Variants in KIF6 observed in about 807,000 individuals in gnomAD.
KIF6 encodes kinesin family member 6.
A neutral mutation model predicts 112.7 loss-of-function variants in KIF6; 106 were observed. That is an observed-to-expected ratio of 0.94 (90% CI 0.80 to 1.11). The LOEUF is 1.11. Ranked by LOEUF, KIF6 falls within the 50% of genes least tolerant of loss-of-function variation. The pLI is 0.00. For synonymous variants in KIF6, 339 were observed against 339.9 expected (o/e 1.00, Z 0.03); for missense variants, 929 against 964.0 (o/e 0.96, Z 0.48).
rs564229262 is a variant in KIF6 at position 39,583,674 on chromosome 6, C to CTTTTTTTTTTTTTTTTT, written c.1077+1207_1077+1223dup. Among the ~76,000 whole-genome samples the CTTTTTTTTTTTTTTTTT allele has an allele frequency of 1.5e-4, 11 of 71,684 alleles. 2 individuals carry two copies. Among genetic ancestry groups the CTTTTTTTTTTTTTTTTT allele is most frequent in the African/African-American group, 2.5e-4 (5 of 20,252 alleles). The allele number at this position is 71,684 out of a possible 152,430, so 47.0% of individuals were successfully genotyped here. ...AAACACTGTTGGTAGGATTTCACTT[C>CTTTTTTTTTTTTTTTTT]TTTTTTTTTTTTTTTTTTTTTTTTT... On this transcript the variant is annotated intron_variant, in intron 9 of 22. Transcript: ENST00000287152.
chr6:39,715,168 G>A (rs1156820030), intron 2 of KIF6, among the ~76,000 whole-genome samples: 1 of 152,226 alleles, frequency 6.6e-6, no homozygotes, highest in African/African-American at 2.4e-5. Context: ...TGACCTGTGA[G>A]AAAAGAATGC....
intron 10 of KIF6, chr6:39,553,924 G>A (rs1016113180): frequency 1.3e-5 from 2 of 154,674 alleles, no homozygotes; most frequent in South Asian, 3.6e-4. Context: ...AGGAGGCCAA[G>A]GACAGCGTGC....
At chr6:39,430,726 T>C (rs762434723) in intron 14 of KIF6, among the ~76,000 whole-genome samples, 6 of 152,096 alleles carry the variant, frequency 3.9e-5, no homozygotes, top group Admixed American at 1.3e-4. Context: ...ATAGACTTTT[T>C]CCCCCCTCCT....
At chr6:39,613,575 C>T (rs570723212) in intron 5 of KIF6, among the ~76,000 whole-genome samples, 5 of 152,240 alleles carry the variant, frequency 3.3e-5, no homozygotes, top group South Asian at 4.1e-4. Context: ...ATAATCAGAT[C>T]GCTAAATCAT....
At chr6:39,431,024 G>A in intron 14 of KIF6, 29 bp downstream of exon 14, 1 of 1,435,932 alleles carries the variant, frequency 7.0e-7, no homozygotes, top group Non-Finnish European at 9.8e-7. Context: ...GAGCCTCGGA[G>A]GACCAGCTGC....
chr6:39,549,560 A>G (rs1228182094), intron 10 of KIF6, among the ~76,000 whole-genome samples: 4 of 152,218 alleles, frequency 2.6e-5, no homozygotes, highest in Non-Finnish European at 5.9e-5. Context: ...AGTTACTCAA[A>G]GTATTTGAAT....
intron 13 of KIF6, among the ~76,000 whole-genome samples, chr6:39,512,105 A>T (rs79765660): frequency 0.027 from 4,094 of 152,280 alleles, 157 homozygotes; most frequent in African/African-American, 0.088. Flanking sequence ...AAAAATTTTT[A>T]AAAAAATTGA....
intron 3 of KIF6, among the ~76,000 whole-genome samples, chr6:39,678,784 C>T (rs538723682): frequency 7.6e-4 from 116 of 152,276 alleles, no homozygotes; most frequent in African/African-American, 2.7e-3. Flanking sequence ...GAAAGATGAA[C>T]AAAAGGCTTG....
At chr6:39,605,586 TG>T in intron 6 of KIF6, among the ~76,000 whole-genome samples, 1 of 152,202 alleles carries the variant, frequency 6.6e-6, no homozygotes, top group South Asian at 2.1e-4. Flanking sequence ...TGTATCATTT[TG>T]TTCTAATGAA....
rs151315330 is a variant in KIF6 at position 39,551,958 on chromosome 6, T to C, written c.1182-6270A>G. On this transcript the variant is annotated intron_variant, in intron 10 of 22. Coordinates refer to ENST00000287152, the MANE Select transcript of KIF6 (RefSeq NM_145027.6). Reference sequence around the variant, plus strand: ...CTTTGCTATTCGACTGGACCAACTTTATAGGAATCGGCTATGAGACTTTTG... The same window carrying C: ...CTTTGCTATTCGACTGGACCAACTTCATAGGAATCGGCTATGAGACTTTTG... Among the ~76,000 whole-genome samples, 136 of 152,368 alleles carry C rather than the reference T, an allele frequency of 8.9e-4. 1 individual carries two copies. Among genetic ancestry groups the C allele is most frequent in the African/African-American group, 3.1e-3 (131 of 41,590 alleles).
rs560465807 is a variant in KIF6, at chr6:39,331,907, C to T, written c.*4625G>A. Reference sequence around the variant, plus strand: ...TAAAAAATGTTTCTGTCTATTTACTCTATCAACTGTGCCATGCCTGGGGCT... The same window carrying T: ...TAAAAAATGTTTCTGTCTATTTACTTTATCAACTGTGCCATGCCTGGGGCT... On this transcript the variant is annotated 3_prime_UTR_variant, in exon 23 of 23. Coordinates refer to ENST00000287152, the MANE Select transcript of KIF6 (RefSeq NM_145027.6). 1.3e-5 allele frequency: 2 copies of T among 151,830 alleles called. No homozygotes were observed. The highest frequency in any genetic ancestry group is 2.1e-4 in the South Asian group (1 of 4,788). The allele number at this position is 151,830 out of a possible 1,614,324, so 9.4% of individuals were successfully genotyped here. A position where few individuals can be genotyped will look rare whatever the true frequency, so the allele number is the denominator to read the frequency against.
chr6:39,539,490 CG>C (rs1410063454), intron 13 of KIF6, among the ~76,000 whole-genome samples: 1 of 151,928 alleles, frequency 6.6e-6, no homozygotes, highest in African/African-American at 2.4e-5. Context: ...ATTACAGGCG[CG>C]CACCACCACG....
intron 3 of KIF6, among the ~76,000 whole-genome samples, chr6:39,667,275 AGGATGGGGT>A (rs1458089420): frequency 8.0e-6 from 1 of 124,968 alleles, no homozygotes; most frequent in African/African-American, 3.0e-5. Flanking sequence ...TAAAAGCCTC[AGGATGGGGT>A]GGGAGGGGTG....
At chr6:39,713,009 G>A (rs1242584884) in intron 3 of KIF6, among the ~76,000 whole-genome samples, 4 of 152,176 alleles carry the variant, frequency 2.6e-5, no homozygotes, top group African/African-American at 4.8e-5. Flanking sequence ...GTCAAATAGG[G>A]AAGGGTAACG....
intron 15 of KIF6, among the ~76,000 whole-genome samples, chr6:39,402,227 A>T (rs1420043250): frequency 1.3e-5 from 2 of 152,132 alleles, no homozygotes; most frequent in African/African-American, 2.4e-5. Context: ...ACGATGTGTT[A>T]CTGTGATGGA....
At chr6:39,461,895 C>T (rs940036068) in intron 13 of KIF6, among the ~76,000 whole-genome samples, 12 of 152,286 alleles carry the variant, frequency 7.9e-5, no homozygotes, top group Middle Eastern at 6.8e-3. Flanking sequence ...ATATTTTATA[C>T]TAAAGTGACA....
chr6:39,382,540 C>T (rs1767045344), intron 16 of KIF6, among the ~76,000 whole-genome samples: 1 of 151,962 alleles, frequency 6.6e-6, no homozygotes, highest in Non-Finnish European at 1.5e-5. Context: ...TGATGTGTAC[C>T]ACATTTTCTT....
rs757595486 is a variant in KIF6, at chr6:39,578,106, C to T, written c.1131G>A (p.Met377Ile). The T allele has an allele frequency of 1.3e-5, 21 of 1,614,102 alleles. No individual in the cohort carries two copies. Among genetic ancestry groups the T allele is most frequent in the Non-Finnish European group, 1.8e-5 (21 of 1,179,996 alleles). Residue 377 changes from methionine (M) to isoleucine (I), a missense_variant, in exon 10 of 23, where the codon ATG (methionine) becomes ATA (isoleucine). Around this residue, in one of 2 missense-constraint regions of KIF6, gnomAD observed 688 missense variants for 662.7 expected, o/e 1.04. Coordinates refer to ENST00000287152, the MANE Select transcript of KIF6 (RefSeq NM_145027.6). ...CCTCTGTCCTCTGCTCCCCAGTGAC[C>T]ATGGCCAGTTCATCCTTCAGTTCCT... The part of the protein sequence containing the change: ...EIQELKDELA[M>I]VTGEQRTEAL...
intron 14 of KIF6, among the ~76,000 whole-genome samples, chr6:39,427,034 A>G (rs1294413455): frequency 2.0e-5 from 3 of 152,220 alleles, no homozygotes; most frequent in Non-Finnish European, 4.4e-5. Context: ...CCACAGAATT[A>G]GTCTGATGTG....
Sources: allele counts gnomAD v4.1 joint callset (sites outside exome capture counted in the v4.1 genomes callset), GRCh38; gene constraint gnomAD v4.1.1; regional missense constraint gnomAD v4.1.1; transcripts MANE v1.5; gene names NCBI Gene and HGNC (gene_info 2026-07-23, HGNC 2026-07-21).